Variants in TNNT1 observed in about 807,000 individuals in gnomAD.
TNNT1 encodes troponin T1, slow skeletal type.
A neutral mutation model predicts 50.6 loss-of-function variants in TNNT1; 53 were observed. The ratio of observed to expected loss-of-function variants is 1.05; its 90% CI spans 0.84 to 1.32. The LOEUF (loss-of-function observed/expected upper bound fraction) is 1.32. Ranked by LOEUF, TNNT1 falls within the 40% of genes most tolerant of loss-of-function variation. TNNT1 has a pLI of 0.00. For synonymous variants in TNNT1, 142 were observed against 138.0 expected, an observed-to-expected ratio of 1.03 and a Z score of -0.20; for missense variants, 348 against 381.7, an observed-to-expected ratio of 0.91 and a Z score of 0.74.
chr19:55,137,863 T>A (rs2085381669), intron 10 of TNNT1, 98 bp downstream of exon 10: 6 of 1,459,180 alleles, frequency 4.1e-6, no homozygotes, highest in Admixed American at 1.7e-5. Flanking sequence ...GACCCAGGAA[T>A]CCAGGCCTCA....
chr19:55,134,325 A>T, intron 11 of TNNT1, 121 bp from the exon 12 acceptor site: 1 of 1,041,390 alleles, frequency 9.6e-7, no homozygotes, highest in Admixed American at 2.2e-5. Context: ...TGAGGCCGAG[A>T]GTTTTAAAAT....
At chr19:55,137,907 C>T (rs2085382519) in intron 10 of TNNT1, 54 bp downstream of exon 10, 13 of 1,608,940 alleles carry the variant, frequency 8.1e-6, no homozygotes, top group South Asian at 6.6e-5. Context: ...AGGTCTGGCC[C>T]CCAGCCCCTG....
intron 13 of TNNT1, chr19:55,133,451 G>A (rs1432344795): frequency 7.3e-5 from 22 of 300,784 alleles, no homozygotes; most frequent in Non-Finnish European, 9.5e-5. Context: ...AGGCCAAGGC[G>A]GGTGGATCAC....
At chr19:55,135,039 C>T (rs1599872789) in intron 11 of TNNT1, among the ~76,000 whole-genome samples, 1 of 152,186 alleles carries the variant, frequency 6.6e-6, no homozygotes, top group East Asian at 1.9e-4. Context: ...TGCTTGCCTA[C>T]CTGTTAGCCC....
chr19:55,141,137 A>T, intron 8 of TNNT1, 49 bp downstream of exon 8: 1 of 1,537,922 alleles, frequency 6.5e-7, no homozygotes, highest in Non-Finnish European at 9.0e-7. Flanking sequence ...GATGCAAGGG[A>T]TCCACATGGA....
At chr19:55,135,304 T>C (rs563279075) in intron 11 of TNNT1, among the ~76,000 whole-genome samples, 1 of 152,274 alleles carries the variant, frequency 6.6e-6, no homozygotes, top group South Asian at 2.1e-4. Flanking sequence ...AAGTAGTGAG[T>C]GAAGCAGAAA....
At chr19:55,142,072 CACAA>C (rs1249542367) in intron 6 of TNNT1, 152 bp from the exon 7 acceptor site, 3 of 725,478 alleles carry the variant, frequency 4.1e-6, no homozygotes, top group African/African-American at 1.8e-5. Context: ...CAGTGAAACA[CACAA>C]AAGAAGGTAA....
intron 4 of TNNT1, 46 bp from the exon 5 acceptor site, chr19:55,146,512 G>C: frequency 8.1e-7 from 1 of 1,227,368 alleles, no homozygotes; most frequent in Non-Finnish European, 1.1e-6. Flanking sequence ...GAGCGAGGGG[G>C]GAGCGGCCAC....
At chr19:55,141,566 C>CTCCGCCTCCCAGGT (rs2085455914) in intron 7 of TNNT1, among the ~76,000 whole-genome samples, 1 of 151,662 alleles carries the variant, frequency 6.6e-6, no homozygotes, top group South Asian at 2.1e-4. Flanking sequence ...TCACCGCCAC[C>CTCCGCCTCCCAGGT]TCCGCCTCCC....
chr19:55,138,130 G>A, intron 9 of TNNT1, 56 bp from the exon 10 acceptor site: 2 of 1,613,156 alleles, frequency 1.2e-6, no homozygotes, highest in Non-Finnish European at 1.7e-6. Flanking sequence ...GAGGGAGGAG[G>A]GCCCTGGGAT....
rs539247551 is a variant in TNNT1, at chr19:55,149,146, C to T, written c.-12+15G>A. ...ATGGTTTTTGAAGACCACAGGGCTCCGCAGAGCCCCTTACCTAGGCTGTGT... is the reference window on the plus strand; with the variant it reads ...ATGGTTTTTGAAGACCACAGGGCTCTGCAGAGCCCCTTACCTAGGCTGTGT... On this transcript the variant is annotated intron_variant, in intron 1 of 13. Coordinates refer to ENST00000588981, the MANE Select transcript of TNNT1 (RefSeq NM_003283.6). 148 of 456,324 alleles carry T rather than the reference C, an allele frequency of 3.2e-4. No individual in the cohort carries two copies. Among genetic ancestry groups the T allele is most frequent in the South Asian group, 7.3e-4 (47 of 64,566 alleles). 28.3% of individuals were successfully genotyped at this position (456,324 alleles called of 1,614,324 possible).
chr19:55,146,601 C>CCT, intron 4 of TNNT1, 80 bp downstream of exon 4: 1 of 1,221,046 alleles, frequency 8.2e-7, no homozygotes, highest in South Asian at 1.6e-5. Flanking sequence ...TCGGGAGCCC[C>CCT]ATCCCGCCCC....
Position 55,141,885 on chromosome 19 carries a change from A to G in TNNT1, c.164T>C (p.Ile55Thr). 1 of 1,614,008 alleles carries G rather than the reference A, an allele frequency of 6.2e-7. No individual in the cohort carries two copies. Residue 55 changes from isoleucine to threonine, a missense_variant, in exon 7 of 14, where the codon ATC becomes ACC. Physicochemically the swap from Ile to Thr is moderately conservative, Grantham distance 89. Transcript: ENST00000588981. ...PVVPPLIPPK[I>T]PEGERVDFDD... The stretch of plus-strand genomic sequence containing the variant: ...GAAGTCAACGCGCTCCCCTTCTGGG[A>G]TCTTTGGCGGGATCAAAGGAGGCAC...
At chr19:55,146,372 G>A in intron 5 of TNNT1, 62 bp downstream of exon 5, 1 of 1,266,536 alleles carries the variant, frequency 7.9e-7, no homozygotes, top group East Asian at 3.0e-5. Flanking sequence ...GGGGCCCGAG[G>A]ATATCGGGGG....
At chr19:55,146,900 G>A (rs986114098) in intron 3 of TNNT1, 108 bp downstream of exon 3, 23 of 1,411,040 alleles carry the variant, frequency 1.6e-5, no homozygotes, top group Non-Finnish European at 2.1e-5. Context: ...GCGAGGGCCC[G>A]AGGGCTGAGC....
intron 11 of TNNT1, among the ~76,000 whole-genome samples, chr19:55,136,536 G>A (rs899882401): frequency 2.6e-5 from 4 of 152,242 alleles, no homozygotes; most frequent in Non-Finnish European, 4.4e-5. Flanking sequence ...AGCTGGCACT[G>A]AGCCCTGGGC....
Position 55,141,904 on chromosome 19 carries a change from G to A in TNNT1, c.145C>T (p.Pro49Ser). The change falls in exon 7 of 14, where the codon CCT (proline) becomes TCT (serine). Residue 49 changes from proline to serine, a missense_variant. Coordinates refer to ENST00000588981, the MANE Select transcript of TNNT1 (RefSeq NM_003283.6). ...TCTGGGATCTTTGGCGGGATCAAAG[G>A]AGGCACCACGGGGCGGCTGAGTGGA... ...RPKPSRPVVP[P>S]LIPPKIPEGE... The A allele has an allele frequency of 1.2e-6, 2 of 1,614,070 alleles. No homozygotes were observed. The highest frequency in any genetic ancestry group is 1.7e-6 in the Non-Finnish European group (2 of 1,179,982).
chr19:55,142,279 C>A (rs955898856), intron 6 of TNNT1, among the ~76,000 whole-genome samples: 5 of 151,052 alleles, frequency 3.3e-5, no homozygotes, highest in Non-Finnish European at 5.9e-5. Flanking sequence ...CACCACCAAG[C>A]CTGGCTAATT....
At chr19:55,136,509 C>CACAA (rs2085348113) in intron 11 of TNNT1, among the ~76,000 whole-genome samples, 1 of 152,232 alleles carries the variant, frequency 6.6e-6, no homozygotes. Flanking sequence ...TGCGCAAGAT[C>CACAA]ACAAAGTAGC....
Sources: gnomAD v4.1 joint callset for allele counts (sites outside exome capture counted in the v4.1 genomes callset) on GRCh38, gnomAD v4.1.1 for gene constraint, MANE v1.5 for transcripts, NCBI Gene and HGNC (gene_info 2026-07-23, HGNC 2026-07-21) for gene names.